ANO4: variants seen among roughly 807,000 people sequenced by gnomAD.
ANO4 encodes the protein anoctamin-4.
A neutral mutation model predicts 141.9 loss-of-function variants in ANO4; 69 were observed. The observed-to-expected ratio is 0.49, with a 90% CI of 0.40 to 0.59. ANO4 has a LOEUF of 0.59. ANO4 is among the 20% of genes least tolerant of loss of function. ANO4 has a pLI of 0.00. For synonymous variants in ANO4, 350 were observed against 394.3 expected, an observed-to-expected ratio of 0.89 and a Z score of 1.33; for missense variants, 894 against 1,162.2, an observed-to-expected ratio of 0.77 and a Z score of 3.36.
intron 2 of ANO4, among the ~76,000 whole-genome samples, chr12:100,915,158 T>C (rs529059546): frequency 3.9e-5 from 6 of 152,272 alleles, no homozygotes. Flanking sequence ...ATCTCAGTAC[T>C]GTCTTAGGAA....
chr12:101,105,743 T>A (rs1192905409), intron 22 of ANO4, among the ~76,000 whole-genome samples: 1 of 152,178 alleles, frequency 6.6e-6, no homozygotes, highest in Non-Finnish European at 1.5e-5. Context: ...AAATTAAGAC[T>A]TTTGAAAGAG....
chr12:101,120,647 CT>C (rs768637203), intron 26 of ANO4, 22 bp downstream of exon 26: 7 of 1,578,540 alleles, frequency 4.4e-6, no homozygotes, highest in Admixed American at 3.3e-5. Flanking sequence ...CAGCCAAATT[CT>C]TTATTTCCTT....
rs1415403066 is a variant in ANO4 at position 100,890,875 on chromosome 12, A to G, written c.-140-10771A>G. Among the ~76,000 whole-genome samples, 3 of 152,302 alleles carry G rather than the reference A, an allele frequency of 2.0e-5. No individual in the cohort carries two copies. The East Asian group carries it at 5.8e-4, about 29-fold the overall frequency. ...TGGGTTTTGACAAATTTATTACAATATGTATGCACCATTATAGCATTAAAC... is the reference window on the plus strand; with the variant it reads ...TGGGTTTTGACAAATTTATTACAATGTGTATGCACCATTATAGCATTAAAC... On this transcript the variant is annotated intron_variant, in intron 1 of 27. Coordinates refer to ENST00000392977, the MANE Select transcript of ANO4 (RefSeq NM_001286615.2).
At chr12:101,124,356 A>C (rs555052111) in intron 26 of ANO4, among the ~76,000 whole-genome samples, 2 of 151,878 alleles carry the variant, frequency 1.3e-5, no homozygotes, top group South Asian at 4.2e-4. Flanking sequence ...TTCCTTGTAG[A>C]CTCTGGATAT....
chr12:101,108,897 T>C (rs1052162339), intron 22 of ANO4, among the ~76,000 whole-genome samples: 5 of 152,174 alleles, frequency 3.3e-5, no homozygotes, highest in African/African-American at 1.2e-4. Context: ...ACAATGCTAT[T>C]GTCTAATCCA....
chr12:100,877,599 GA>G (rs545965269), intron 1 of ANO4, among the ~76,000 whole-genome samples: 86 of 152,032 alleles, frequency 5.7e-4, no homozygotes, highest in African/African-American at 2.0e-3. Context: ...TCAGAGAACT[GA>G]AAGGTTAATT....
chr12:100,883,899 T>C (rs1385069096), intron 1 of ANO4, among the ~76,000 whole-genome samples: 3 of 152,328 alleles, frequency 2.0e-5, no homozygotes, highest in Non-Finnish European at 4.4e-5. Flanking sequence ...TGGAACACAA[T>C]TTTTAAATAT....
intron 1 of ANO4, among the ~76,000 whole-genome samples, chr12:100,894,836 G>C (rs1322829343): frequency 6.6e-6 from 1 of 151,610 alleles, no homozygotes; most frequent in African/African-American, 2.4e-5. Flanking sequence ...CGTGGTGGCG[G>C]GCGCCTGTAG....
chr12:100,718,340 G>A (rs745718046), intron 1 of ANO4, among the ~76,000 whole-genome samples: 5 of 152,148 alleles, frequency 3.3e-5, no homozygotes, highest in African/African-American at 1.2e-4. Context: ...CTGAGACTTG[G>A]TTATAGGAAG....
At chr12:100,760,770 C>G (rs574886316) in intron 3 of ANO4, among the ~76,000 whole-genome samples, 1 of 152,268 alleles carries the variant, frequency 6.6e-6, no homozygotes, top group East Asian at 1.9e-4. Context: ...TTCTATACAT[C>G]GTCATGGGCC....
intron 1 of ANO4, among the ~76,000 whole-genome samples, chr12:100,810,523 G>T (rs2035349242): frequency 6.6e-6 from 1 of 152,142 alleles, no homozygotes; most frequent in Non-Finnish European, 1.5e-5. Flanking sequence ...AGAATAGAGG[G>T]AGTCAGGGTG....
intron 22 of ANO4, among the ~76,000 whole-genome samples, chr12:101,105,288 T>C (rs2050396000): frequency 6.6e-6 from 1 of 152,216 alleles, no homozygotes; most frequent in Non-Finnish European, 1.5e-5. Flanking sequence ...GGAGGAATTC[T>C]TTCTTTATGG....
At chr12:100,848,274 G>A (rs1288740031) in intron 1 of ANO4, among the ~76,000 whole-genome samples, 2 of 152,096 alleles carry the variant, frequency 1.3e-5, no homozygotes, top group African/African-American at 4.8e-5. Context: ...TCTATACTCA[G>A]CAATTGCATT....
At position 100,742,346 on chromosome 12, in the gene ANO4, CTTTTTA is replaced by C. The variant is rs1239941059; in HGVS notation, c.358+2245_358+2250del. On this transcript the variant is annotated intron_variant, in intron 3 of 29. Transcript: ENST00000644049. ...TGTGTGAAAGCTTATAGTTTCCTTT[CTTTTTA>C]TTTGTGTTTTAAAGAATAAAGTTAA... Among the ~76,000 whole-genome samples, 6 of 151,902 alleles carry C rather than the reference CTTTTTA, an allele frequency of 3.9e-5. No homozygotes were observed. In the East Asian group the frequency reaches 7.7e-4, roughly 20 times the overall value.
At chr12:100,851,989 G>A (rs1593519703) in intron 1 of ANO4, among the ~76,000 whole-genome samples, 1 of 152,260 alleles carries the variant, frequency 6.6e-6, no homozygotes, top group East Asian at 1.9e-4. Context: ...CCGGGGGCAG[G>A]AGCATTCTAG....
chr12:100,830,012 C>T (rs1431766644), intron 1 of ANO4, among the ~76,000 whole-genome samples: 1 of 151,992 alleles, frequency 6.6e-6, no homozygotes, highest in African/African-American at 2.4e-5. Flanking sequence ...TGATCTTGAA[C>T]AAGTCTGTTA....
intron 14 of ANO4, among the ~76,000 whole-genome samples, chr12:101,050,480 G>A (rs764168744): frequency 7.9e-5 from 12 of 152,224 alleles, no homozygotes; most frequent in Middle Eastern, 3.4e-3. Flanking sequence ...TAAAGAATGC[G>A]TATATAGTTT....
intron 9 of ANO4, among the ~76,000 whole-genome samples, chr12:101,024,731 T>C (rs2046665573): frequency 6.6e-6 from 1 of 152,208 alleles, no homozygotes; most frequent in Non-Finnish European, 1.5e-5. Context: ...ATCAAAGCTT[T>C]CTACATAGTA....
intron 3 of ANO4, among the ~76,000 whole-genome samples, chr12:100,772,264 T>C (rs895006159): frequency 6.6e-6 from 1 of 152,220 alleles, no homozygotes; most frequent in Non-Finnish European, 1.5e-5. Flanking sequence ...CATGTGCTTG[T>C]ATGAGTTATG....
Sources: gnomAD v4.1 joint callset for allele counts (sites outside exome capture counted in the v4.1 genomes callset) on GRCh38, gnomAD v4.1.1 for gene constraint, MANE v1.5 for transcripts, NCBI Gene and HGNC (gene_info 2026-07-23, HGNC 2026-07-21) for gene names.